HS6ST2: variants seen among roughly 807,000 people sequenced by gnomAD.
HS6ST2 encodes the protein heparan-sulfate 6-O-sulfotransferase 2.
A neutral mutation model predicts 33.0 loss-of-function variants in HS6ST2; 17 were observed. The ratio of observed to expected loss-of-function variants is 0.52; its 90% confidence interval spans 0.35 to 0.77. The LOEUF (loss-of-function observed/expected upper bound fraction) is 0.77, where lower values mean the gene tolerates loss of function less well. Ranked by LOEUF, HS6ST2 falls within the 30% of genes least tolerant of loss-of-function variation. The pLI is 0.01. For synonymous variants in HS6ST2, 248 were observed against 237.1 expected (o/e 1.05, Z -0.42); for missense variants, 519 against 551.7 (o/e 0.94, Z 0.59).
At chrX:132,877,848 C>A (rs1193337499) in intron 2 of HS6ST2, among the ~76,000 whole-genome samples, 1 of 110,347 alleles carries the variant, frequency 9.1e-6, no homozygotes, top group African/African-American at 3.3e-5. Context: ...CAGTGATAAA[C>A]CCATAAATTC....
chrX:132,668,392 G>A (rs920428612), intron 4 of HS6ST2: 1 of 110,814 alleles, frequency 9.0e-6, no homozygotes, highest in African/African-American at 3.3e-5. Context: ...AACTTCCAAG[G>A]GGAAGTGTCT....
intron 2 of HS6ST2, among the ~76,000 whole-genome samples, chrX:132,955,318 G>C (rs1431053677): frequency 1.8e-5 from 2 of 112,315 alleles, no homozygotes; most frequent in Non-Finnish European, 3.8e-5. Context: ...GTATTGGAAA[G>C]GAAATACAAG....
intron 2 of HS6ST2, among the ~76,000 whole-genome samples, chrX:132,807,142 C>T (rs1322703470): frequency 9.1e-6 from 1 of 110,108 alleles, no homozygotes; most frequent in Non-Finnish European, 1.9e-5. Flanking sequence ...GGATTGGAAC[C>T]ACACCTGACT....
chrX:132,746,913 C>T (rs2064650672), intron 2 of HS6ST2, among the ~76,000 whole-genome samples: 1 of 111,955 alleles, frequency 8.9e-6, no homozygotes. Flanking sequence ...TTTCCCATTT[C>T]CCTACCTACA....
intron 2 of HS6ST2, among the ~76,000 whole-genome samples, chrX:132,813,324 A>G: frequency 9.0e-6 from 1 of 110,601 alleles, no homozygotes; most frequent in Non-Finnish European, 1.9e-5. Flanking sequence ...CATGATTTAG[A>G]TGCTCTCTCT....
intron 2 of HS6ST2, among the ~76,000 whole-genome samples, chrX:132,772,192 C>A (rs776491897): frequency 1.8e-5 from 2 of 111,269 alleles, no homozygotes; most frequent in South Asian, 7.5e-4. Context: ...GTTGAACACA[C>A]ACAAAATGTG....
At chrX:132,845,726 A>G (rs931241662) in intron 2 of HS6ST2, among the ~76,000 whole-genome samples, 1 of 111,291 alleles carries the variant, frequency 9.0e-6, no homozygotes, top group East Asian at 2.8e-4. Context: ...CCAGACCATG[A>G]CAGTATATAT....
chrX:132,775,354 A>C (rs757860404), intron 2 of HS6ST2, among the ~76,000 whole-genome samples: 1 of 111,285 alleles, frequency 9.0e-6, no homozygotes, highest in South Asian at 3.9e-4. Context: ...CAATTACCTC[A>C]GCTCAGTCGT....
intron 4 of HS6ST2, among the ~76,000 whole-genome samples, chrX:132,637,829 TA>T (rs2148602029): frequency 2.2e-5 from 1 of 44,543 alleles, no homozygotes; most frequent in African/African-American, 4.1e-4. Context: ...TATATAATAT[TA>T]TATATAATAT....
At chrX:132,781,536 G>A (rs1269207009) in intron 2 of HS6ST2, among the ~76,000 whole-genome samples, 1 of 111,402 alleles carries the variant, frequency 9.0e-6, no homozygotes, top group Non-Finnish European at 1.9e-5. Flanking sequence ...AAGGGGGAGA[G>A]GTGGCTAGAC....
At chrX:132,914,727 A>C (rs1283438369) in intron 2 of HS6ST2, among the ~76,000 whole-genome samples, 1 of 111,899 alleles carries the variant, frequency 8.9e-6, no homozygotes, top group Non-Finnish European at 1.9e-5. Context: ...CAATATCTTG[A>C]TGCGACTAGA....
At chrX:132,765,021 A>G (rs1381714500) in intron 2 of HS6ST2, among the ~76,000 whole-genome samples, 1 of 112,101 alleles carries the variant, frequency 8.9e-6, no homozygotes, top group Non-Finnish European at 1.9e-5. Context: ...CCAGAACTTC[A>G]GGTGAATATA....
chrX:132,688,979 T>C (rs1206451212), intron 3 of HS6ST2, among the ~76,000 whole-genome samples: 1 of 111,852 alleles, frequency 8.9e-6, no homozygotes, highest in Non-Finnish European at 1.9e-5. Flanking sequence ...TGAAACTGCA[T>C]AAGAAATGAT....
rs781329534 is a variant in HS6ST2, at chrX:132,787,247, GTA to G, written c.948-78755_948-78754del. On this transcript the variant is annotated intron_variant, in intron 2 of 4. Coordinates refer to ENST00000370833, the MANE Select transcript of HS6ST2 (RefSeq NM_001394073.1). ...TATATACACATATATATACATATAT[GTA>G]TATATATGTATATATTTATAATATA... Among the ~76,000 whole-genome samples, 566 of 70,592 alleles carry G rather than the reference GTA, an allele frequency of 8.0e-3. 23 individuals carry two copies. The highest frequency in any genetic ancestry group is 0.029 in the African/African-American group (514 of 17,631). 61.3% of individuals were successfully genotyped at this position (70,592 alleles called of 115,157 possible).
intron 2 of HS6ST2, among the ~76,000 whole-genome samples, chrX:132,956,093 C>T (rs2067068076): frequency 8.9e-6 from 1 of 112,147 alleles, no homozygotes. Flanking sequence ...GCCTGGGAAC[C>T]ATGAGCTCTC....
At chrX:132,820,343 A>G (rs1358659414) in intron 2 of HS6ST2, among the ~76,000 whole-genome samples, 1 of 111,511 alleles carries the variant, frequency 9.0e-6, no homozygotes, top group Non-Finnish European at 1.9e-5. Flanking sequence ...AATCACCCCT[A>G]TTTCAAAATG....
chrX:132,944,802 T>G (rs1400136722), intron 2 of HS6ST2, among the ~76,000 whole-genome samples: 2 of 110,529 alleles, frequency 1.8e-5, no homozygotes, highest in African/African-American at 6.6e-5. Context: ...GCTAGCCATA[T>G]GTAGAAAGCT....
At chrX:132,838,782 T>A (rs184129963) in intron 2 of HS6ST2, among the ~76,000 whole-genome samples, 251 of 109,190 alleles carry the variant, frequency 2.3e-3, no homozygotes, top group Middle Eastern at 9.3e-3. Flanking sequence ...TATTTTTTTT[T>A]AAAAAAACAC....
chrX:132,825,363 G>T (rs1221776928), intron 2 of HS6ST2, among the ~76,000 whole-genome samples: 2 of 111,682 alleles, frequency 1.8e-5, no homozygotes, highest in African/African-American at 6.5e-5. Flanking sequence ...TCTGTTCAGA[G>T]GACACAAACT....
Sources: gnomAD v4.1 joint callset for allele counts (sites outside exome capture counted in the v4.1 genomes callset) on GRCh38, gnomAD v4.1.1 for gene constraint, MANE v1.5 for transcripts, NCBI Gene and HGNC (gene_info 2026-07-23, HGNC 2026-07-21) for gene names.